ATG2B: variants seen among roughly 807,000 people sequenced by gnomAD.
ATG2B encodes the protein autophagy related 2B.
ATG2B carries 121 observed loss-of-function variants against 241.3 expected under a neutral mutation model. The ratio of observed to expected loss-of-function variants is 0.50; its 90% CI spans 0.43 to 0.58. ATG2B has a LOEUF of 0.58. ATG2B is among the 20% of genes least tolerant of loss of function. The pLI is 0.00. For synonymous variants in ATG2B, 858 were observed against 876.6 expected, an observed-to-expected ratio of 0.98 and a Z score of 0.37; for missense variants, 2,306 against 2,491.6, an observed-to-expected ratio of 0.93 and a Z score of 1.59.
chr14:96,302,136 T>C (rs1187942659), intron 33 of ATG2B, 28 bp from the exon 34 acceptor site: 1 of 1,435,908 alleles, frequency 7.0e-7, no homozygotes, highest in Admixed American at 1.7e-5. Context: ...GAATAACATT[T>C]TTCCCCAATA....
intron 41 of ATG2B, among the ~76,000 whole-genome samples, chr14:96,287,435 T>C (rs961422829): frequency 2.6e-5 from 4 of 152,128 alleles, no homozygotes; most frequent in Non-Finnish European, 4.4e-5. Context: ...CTATCCCACC[T>C]GCGATAAACA....
chr14:96,329,382 G>A, intron 12 of ATG2B, 102 bp downstream of exon 12: 1 of 757,466 alleles, frequency 1.3e-6, no homozygotes, highest in Non-Finnish European at 2.0e-6. Context: ...TTCCTCCTAT[G>A]GCTTTCTATA....
chr14:96,302,686 T>C (rs965278942), intron 33 of ATG2B, among the ~76,000 whole-genome samples: 3 of 152,122 alleles, frequency 2.0e-5, no homozygotes, highest in African/African-American at 7.2e-5. Context: ...TAACCATAGG[T>C]CCATATGCCA....
At chr14:96,295,394 T>C (rs1377142704) in intron 35 of ATG2B, 88 bp downstream of exon 35, 3 of 947,788 alleles carry the variant, frequency 3.2e-6, no homozygotes, top group Non-Finnish European at 4.8e-6. Context: ...GGAATAAATA[T>C]TGTAAGTACA....
At chr14:96,304,630 C>A (rs1221022960) in intron 31 of ATG2B, 27 bp from the exon 32 acceptor site, 111 of 1,086,512 alleles carry the variant, frequency 1.0e-4, no homozygotes, top group Non-Finnish European at 1.4e-4. Flanking sequence ...AAAAAAAAAA[C>A]CCTTTTGTTA....
At chr14:96,301,293 C>A (rs1886782443) in intron 34 of ATG2B, among the ~76,000 whole-genome samples, 1 of 123,554 alleles carries the variant, frequency 8.1e-6, no homozygotes, top group East Asian at 2.4e-4. Flanking sequence ...CAGTAACTTA[C>A]CCGAAGCCAT....
intron 18 of ATG2B, 76 bp downstream of exon 18, chr14:96,322,036 A>C: frequency 9.0e-7 from 1 of 1,108,526 alleles, no homozygotes; most frequent in Non-Finnish European, 1.3e-6. Context: ...AAGGAAAGGA[A>C]AGGGGGAAGA....
intron 11 of ATG2B, among the ~76,000 whole-genome samples, chr14:96,330,388 T>C (rs1350329112): frequency 6.6e-6 from 1 of 152,206 alleles, no homozygotes; most frequent in Non-Finnish European, 1.5e-5. Context: ...ATATATGATA[T>C]GTTTAAACCA....
chr14:96,330,439 C>T (rs771710287), intron 11 of ATG2B, among the ~76,000 whole-genome samples: 1 of 152,140 alleles, frequency 6.6e-6, no homozygotes, highest in Non-Finnish European at 1.5e-5. Flanking sequence ...ATCACTTTCA[C>T]ATTAAAATTG....
chr14:96,306,264 C>T (rs559631216), intron 30 of ATG2B, among the ~76,000 whole-genome samples: 2 of 152,212 alleles, frequency 1.3e-5, no homozygotes, highest in South Asian at 4.1e-4. Context: ...TAAACAAATA[C>T]GGTCACCTAC....
intron 1 of ATG2B, among the ~76,000 whole-genome samples, chr14:96,353,639 ATT>A (rs1405032657): frequency 7.9e-6 from 1 of 125,918 alleles, no homozygotes; most frequent in African/African-American, 2.6e-5. Flanking sequence ...AAAATTTCAT[ATT>A]TTATATATAT....
chr14:96,316,438 TA>T, intron 21 of ATG2B, 94 bp downstream of exon 21: 1 of 1,266,674 alleles, frequency 7.9e-7, no homozygotes, highest in Non-Finnish European at 1.1e-6. Flanking sequence ...AAATAATTTC[TA>T]ATACCAAAGT....
chr14:96,296,094 C>T (rs980855285), intron 34 of ATG2B, among the ~76,000 whole-genome samples: 1 of 152,230 alleles, frequency 6.6e-6, no homozygotes, highest in Non-Finnish European at 1.5e-5. Context: ...GCTGGGACTA[C>T]AGGCGCCCGC....
chr14:96,360,908 C>G (rs376918381), intron 1 of ATG2B, among the ~76,000 whole-genome samples: 1 of 52,640 alleles, frequency 1.9e-5, no homozygotes, highest in African/African-American at 9.0e-5. Flanking sequence ...GCTTTGGCAA[C>G]AAAGCAAGAG....
chr14:96,341,926 A>G (rs1335698177), intron 5 of ATG2B, among the ~76,000 whole-genome samples: 3 of 152,172 alleles, frequency 2.0e-5, no homozygotes, highest in Non-Finnish European at 4.4e-5. Flanking sequence ...GGACTTCATG[A>G]AAAAAAGCAC....
At chr14:96,293,732 C>G (rs575358165) in intron 36 of ATG2B, among the ~76,000 whole-genome samples, 1 of 152,238 alleles carries the variant, frequency 6.6e-6, no homozygotes, top group South Asian at 2.1e-4. Flanking sequence ...AAATGAAAAT[C>G]TATAAGCTAT....
intron 6 of ATG2B, among the ~76,000 whole-genome samples, chr14:96,336,590 A>C (rs1339174957): frequency 1.3e-5 from 2 of 152,214 alleles, no homozygotes; most frequent in African/African-American, 2.4e-5. Context: ...CATTTGTACA[A>C]ATCAACACAT....
Position 96,281,594 on chromosome 14 carries a change from T to C in ATG2B, c.*4161A>G, listed in dbSNP as rs572871734. The stretch of plus-strand genomic sequence containing the variant: ...AGTTATACAAACAATGCAAGACAAA[T>C]CCAACTAGAAATCGGAAGCTGCCAT... On this transcript the variant is annotated 3_prime_UTR_variant, in exon 42 of 42. Coordinates refer to ENST00000359933, the MANE Select transcript of ATG2B (RefSeq NM_018036.7). 32 of 152,218 alleles carry C rather than the reference T, an allele frequency of 2.1e-4. No homozygotes were observed. The East Asian group carries it at 5.8e-3, about 28-fold the overall frequency. The allele number at this position is 152,218 out of a possible 1,614,324, so 9.4% of individuals were successfully genotyped here.
chr14:96,328,486 A>G lies in ATG2B; in HGVS notation c.2024T>C (p.Ile675Thr), dbSNP rs773346690. ...SSVPHKAELQ[I>T]KLNPVCCELD... ...CTCACAACACACTGGATTTAATTTA[A>G]TTTGCAATTCTGCCTTGTGAGGAAC... Residue 675 changes from isoleucine to threonine, a missense_variant, in exon 14 of 42, where the codon ATT (isoleucine) becomes ACT (threonine). By Grantham distance (89) the Ile-to-Thr change is moderately conservative. This residue lies in a region of ATG2B where 1,927 missense variants were observed against 2,011.2 expected (regional missense o/e 0.96). Transcript: ENST00000359933. 4 of 1,613,128 alleles carry G rather than the reference A, an allele frequency of 2.5e-6. No individual in the cohort carries two copies. Among genetic ancestry groups the G allele is most frequent in the Non-Finnish European group, 2.5e-6 (3 of 1,179,818 alleles).
Sources: gnomAD v4.1 joint callset for allele counts (sites outside exome capture counted in the v4.1 genomes callset) on GRCh38, gnomAD v4.1.1 for gene constraint, gnomAD v4.1.1 regional missense constraint, MANE v1.5 for transcripts, NCBI Gene and HGNC (gene_info 2026-07-23, HGNC 2026-07-21) for gene names.